The following SGK2 variants were observed in gnomAD, a reference collection of about 807,000 sequenced individuals.
The protein encoded by SGK2 is serum/glucocorticoid regulated kinase 2.
In SGK2, 36 loss-of-function variants were observed where a neutral mutation model predicts 47.5. That is an observed-to-expected ratio of 0.76 (90% CI 0.58 to 1.00). The LOEUF (loss-of-function observed/expected upper bound fraction) is 1.00, where lower values mean the gene tolerates loss of function less well. Among genes scored for constraint, SGK2 ranks in the 50% least tolerant of loss-of-function variants. The probability of loss-of-function intolerance (pLI) is 0.00; values close to 1 mark genes in which losing one functional copy is unlikely to be tolerated. For missense variants in SGK2, 404 were observed against 467.4 expected (o/e 0.86, Z 1.25); for synonymous variants, 157 against 181.9 (o/e 0.86, Z 1.10).
chr20:43,571,940 T>C, intron 8 of SGK2, 111 bp from the exon 9 acceptor site: 1 of 707,352 alleles, frequency 1.4e-6, no homozygotes, highest in Non-Finnish European at 2.5e-6. Context: ...TGCCTGGGCA[T>C]CAGATCCCAC....
intron 12 of SGK2, among the ~76,000 whole-genome samples, chr20:43,581,128 G>A (rs897053210): frequency 3.3e-5 from 5 of 152,104 alleles, no homozygotes; most frequent in Admixed American, 1.3e-4. Flanking sequence ...GCCCGCCTCG[G>A]CCTCCCAAAG....
intron 1 of SGK2, among the ~76,000 whole-genome samples, chr20:43,561,814 A>G (rs1024767809): frequency 6.7e-6 from 1 of 149,088 alleles, no homozygotes; most frequent in Non-Finnish European, 1.5e-5. Context: ...GTAGTGGGTA[A>G]ATGGAGAAGC....
chr20:43,563,683 A>G (rs941707424), intron 1 of SGK2, among the ~76,000 whole-genome samples: 3 of 152,220 alleles, frequency 2.0e-5, no homozygotes, highest in Admixed American at 6.5e-5. Context: ...GTGGTGGGAC[A>G]CTTAGGTTAC....
At chr20:43,560,940 G>C (rs1052304080) in intron 1 of SGK2, among the ~76,000 whole-genome samples, 2 of 152,174 alleles carry the variant, frequency 1.3e-5, no homozygotes, top group African/African-American at 4.8e-5. Flanking sequence ...TAATAAATAC[G>C]TGATAAGGCA....
chr20:43,568,125 G>A (rs1979855758), intron 5 of SGK2, 126 bp downstream of exon 5: 4 of 700,092 alleles, frequency 5.7e-6, no homozygotes, highest in African/African-American at 3.6e-5. Flanking sequence ...TCACAACAAA[G>A]GGTAGAGGGG....
rs1398572329 is a variant in SGK2 at position 43,576,304 on chromosome 20, A to G, written c.774A>G (p.Thr258=). ...CGCTACAGATCCCCGGAGGCCGGACAGTGGCCGCCTGTGACCTCCTGCAAA... is the reference window on the plus strand; with the variant it reads ...CGCTACAGATCCCCGGAGGCCGGACGGTGGCCGCCTGTGACCTCCTGCAAA... ...HQPLQIPGGR[T]VAACDLLQSL... The change falls in exon 11 of 13, where the codon ACA becomes ACG. Residue 258 remains threonine (T), a synonymous_variant. Coordinates refer to ENST00000373100, the MANE Select transcript of SGK2 (RefSeq NM_170693.3). The G allele has an allele frequency of 1.2e-6, 2 of 1,614,242 alleles. No homozygotes were observed. Among genetic ancestry groups the G allele is most frequent in the Non-Finnish European group, 1.7e-6 (2 of 1,180,044 alleles).
chr20:43,580,924 G>A (rs1192356176), intron 12 of SGK2, among the ~76,000 whole-genome samples: 1 of 151,482 alleles, frequency 6.6e-6, no homozygotes, highest in Non-Finnish European at 1.5e-5. Flanking sequence ...TGCCCAGGCT[G>A]GAGTGCAGTG....
At chr20:43,578,263 T>C (rs1387721252) in intron 11 of SGK2, among the ~76,000 whole-genome samples, 2 of 152,074 alleles carry the variant, frequency 1.3e-5, no homozygotes, top group African/African-American at 4.8e-5. Context: ...GGCGGGCGGA[T>C]CACCTGAGGT....
chr20:43,563,135 C>CAA (rs796539305), intron 1 of SGK2, among the ~76,000 whole-genome samples: 2 of 70,642 alleles, frequency 2.8e-5, no homozygotes, highest in African/African-American at 5.3e-5. Context: ...GACTCTGTCT[C>CAA]AAAAAAAAAA....
Position 43,574,937 on chromosome 20 carries a change from A to T in SGK2, c.626A>T (p.Glu209Val). 1 of 1,613,684 alleles carries T rather than the reference A, an allele frequency of 6.2e-7. No individual in the cohort carries two copies. Among genetic ancestry groups the T allele is most frequent in the Non-Finnish European group, 8.5e-7 (1 of 1,179,714 alleles). Residue 209 changes from glutamate to valine, a missense_variant, in exon 10 of 13, where the codon GAG (glutamate) becomes GTG (valine). Coordinates refer to ENST00000373100, the MANE Select transcript of SGK2 (RefSeq NM_170693.3). ...TTGGCACCTGAAGTGCTTCGGAAAG[A>T]GCCTTATGATCGAGCAGTGGACTGG... ...EYLAPEVLRKEPYDRAVDWWC... is the reference protein window; with the variant it reads ...EYLAPEVLRKVPYDRAVDWWC...
At chr20:43,581,298 G>T (rs1422331882) in intron 12 of SGK2, among the ~76,000 whole-genome samples, 2 of 151,942 alleles carry the variant, frequency 1.3e-5, no homozygotes, top group Non-Finnish European at 2.9e-5. Context: ...ATTTCCTCAT[G>T]TCATAAAAAA....
Position 43,571,019 on chromosome 20 carries a change from T to G in SGK2, c.474-5T>G. 1 of 1,612,348 alleles carries G rather than the reference T, an allele frequency of 6.2e-7. No homozygotes were observed. The highest frequency in any genetic ancestry group is 2.2e-5 in the East Asian group (1 of 44,892). ...CTCAAGGCTGTTTTCTCTTATTTTC[T>G]GCAGGGATCTGAAACCAGAGAACAT... On this transcript the variant is annotated splice_region_variant and splice_polypyrimidine_tract_variant and intron_variant, in intron 7 of 12. Coordinates refer to ENST00000373100, the MANE Select transcript of SGK2 (RefSeq NM_170693.3).
intron 1 of SGK2, 138 bp from the exon 2 acceptor site, chr20:43,566,335 C>T (rs139128761): frequency 4.3e-6 from 7 of 1,611,828 alleles, no homozygotes; most frequent in South Asian, 2.2e-5. Context: ...TTGCTTACCT[C>T]GGGTAGGAAA....
chr20:43,571,024 G>A lies in SGK2; in HGVS notation c.474G>A (p.Arg158=). The A allele has an allele frequency of 1.2e-6, 2 of 1,611,946 alleles. No homozygotes were observed. Among genetic ancestry groups the A allele is most frequent in the East Asian group, 2.2e-5 (1 of 44,854 alleles). ...GYLHSLNIIY[R]DLKPENILLD... ...GGCTGTTTTCTCTTATTTTCTGCAG[G>A]GATCTGAAACCAGAGAACATTCTCT... The change falls in exon 8 of 13, where the codon AGG becomes AGA. Residue 158 remains arginine (R), a splice_region_variant and synonymous_variant. Coordinates refer to ENST00000373100, the MANE Select transcript of SGK2 (RefSeq NM_170693.3).
chr20:43,561,091 G>T (rs528453684), intron 1 of SGK2, among the ~76,000 whole-genome samples: 2 of 152,324 alleles, frequency 1.3e-5, no homozygotes, highest in African/African-American at 4.8e-5. Flanking sequence ...GACAAACCAA[G>T]ATGACTTGTC....
intron 2 of SGK2, 130 bp downstream of exon 2, chr20:43,566,661 C>G: frequency 1.6e-6 from 1 of 639,342 alleles, no homozygotes; most frequent in South Asian, 2.0e-5. Flanking sequence ...GAGCCACTTG[C>G]AGGGTGAATA....
chr20:43,582,313 TC>T (rs1980846720), intron 12 of SGK2, among the ~76,000 whole-genome samples: 1 of 152,152 alleles, frequency 6.6e-6, no homozygotes, highest in Non-Finnish European at 1.5e-5. Flanking sequence ...CCCCTCAGCT[TC>T]CCAAAGTGCT....
intron 1 of SGK2, among the ~76,000 whole-genome samples, chr20:43,564,207 A>G (rs1205524326): frequency 1.3e-5 from 2 of 152,252 alleles, no homozygotes; most frequent in Non-Finnish European, 2.9e-5. Flanking sequence ...GCAGCAGGAG[A>G]GTCGTGGGCC....
Position 43,571,070 on chromosome 20 carries a change from T to TGGGGGG in SGK2, c.510+11_510+12insGGGGGG, listed in dbSNP as rs746079144. 5.0e-6 allele frequency: 2 copies of TGGGGGG among 398,048 alleles called. No individual in the cohort carries two copies. The highest frequency in any genetic ancestry group is 4.0e-5 in the African/African-American group (2 of 49,900). The allele number at this position is 398,048 out of a possible 1,614,324, so 24.7% of individuals were successfully genotyped here. A position where few individuals can be genotyped will look rare whatever the true frequency, so the allele number is the denominator to read the frequency against. ...TCTCTTGGACTGCCAGGTTGGTGTG[T>TGGGGGG]GTGTGTGTGTGTGTGTGTGTGTGTG... On this transcript the variant is annotated intron_variant, in intron 8 of 12. Coordinates refer to ENST00000373100, the MANE Select transcript of SGK2 (RefSeq NM_170693.3).
Sources: gnomAD v4.1 joint callset for allele counts (sites outside exome capture counted in the v4.1 genomes callset) on GRCh38, gnomAD v4.1.1 for gene constraint, MANE v1.5 for transcripts, NCBI Gene and HGNC (gene_info 2026-07-23, HGNC 2026-07-21) for gene names.